SYNPR: variants seen among roughly 807,000 people sequenced by gnomAD.
SYNPR encodes synaptoporin.
Under a neutral mutation model 32.9 loss-of-function variants are expected in SYNPR, and 23 were observed. That is an observed-to-expected ratio of 0.70 (90% CI 0.50 to 0.99). The LOEUF (loss-of-function observed/expected upper bound fraction) is 0.99, where lower values mean the gene tolerates loss of function less well. SYNPR is among the 50% of genes least tolerant of loss of function. SYNPR has a pLI of 0.00. For missense variants in SYNPR, 318 were observed against 349.3 expected (o/e 0.91, Z 0.71); for synonymous variants, 146 against 135.9 (o/e 1.07, Z -0.52).
intron 4 of SYNPR, chr3:63,561,510 A>C (rs1192588536): frequency 6.6e-6 from 1 of 152,170 alleles, no homozygotes. Context: ...AGGTGGAGAT[A>C]GGTAAGACAA....
At chr3:63,341,889 T>C (rs923546509) in intron 2 of SYNPR, among the ~76,000 whole-genome samples, 1 of 152,190 alleles carries the variant, frequency 6.6e-6, no homozygotes, top group Admixed American at 6.5e-5. Flanking sequence ...TATTTTGTTT[T>C]GTCATGGATT....
At chr3:63,386,619 C>CCTTCCTTCCTTCCTTT (rs1364340497) in intron 2 of SYNPR, among the ~76,000 whole-genome samples, 8 of 151,948 alleles carry the variant, frequency 5.3e-5, no homozygotes, top group Non-Finnish European at 1.2e-4. Flanking sequence ...TTCCTTCCTT[C>CCTTCCTTCCTTCCTTT]CTTCCTTCCT....
At chr3:63,572,023 A>G (rs951190125) in intron 4 of SYNPR, among the ~76,000 whole-genome samples, 1 of 152,332 alleles carries the variant, frequency 6.6e-6, no homozygotes, top group Admixed American at 6.5e-5. Context: ...AATGAACTCC[A>G]AGCTCCAATG....
At chr3:63,336,652 A>C (rs1255310224) in intron 2 of SYNPR, among the ~76,000 whole-genome samples, 1 of 151,752 alleles carries the variant, frequency 6.6e-6, no homozygotes, top group Non-Finnish European at 1.5e-5. Flanking sequence ...AAAACTTCTC[A>C]AAGACAACAT....
intron 2 of SYNPR, among the ~76,000 whole-genome samples, chr3:63,372,058 G>A (rs1390133601): frequency 6.6e-6 from 1 of 152,076 alleles, no homozygotes; most frequent in African/African-American, 2.4e-5. Context: ...GCATGGCTGA[G>A]TATATCCACA....
chr3:63,414,952 G>A (rs2088520478), intron 2 of SYNPR, among the ~76,000 whole-genome samples: 1 of 152,166 alleles, frequency 6.6e-6, no homozygotes, highest in South Asian at 2.1e-4. Flanking sequence ...ACTCAGGAAT[G>A]TGCTACTGCA....
At chr3:63,441,237 A>T (rs1010593668) in intron 2 of SYNPR, among the ~76,000 whole-genome samples, 11 of 152,250 alleles carry the variant, frequency 7.2e-5, no homozygotes, top group African/African-American at 2.7e-4. Flanking sequence ...AAACACCCAC[A>T]TAGAATAGTA....
intron 3 of SYNPR, among the ~76,000 whole-genome samples, chr3:63,538,380 AG>A (rs1156917937): frequency 6.6e-6 from 1 of 152,048 alleles, no homozygotes; most frequent in Non-Finnish European, 1.5e-5. Context: ...GCTGGGATAT[AG>A]TGAACATTAC....
At chr3:63,337,246 A>AAC (rs1298446670) in intron 2 of SYNPR, among the ~76,000 whole-genome samples, 1 of 151,248 alleles carries the variant, frequency 6.6e-6, no homozygotes, top group African/African-American at 2.4e-5. Flanking sequence ...AAAAAAAAAA[A>AAC]AAAAAAAAAA....
intron 2 of SYNPR, among the ~76,000 whole-genome samples, chr3:63,386,842 C>T (rs1321423002): frequency 1.3e-5 from 2 of 152,230 alleles, no homozygotes; most frequent in Admixed American, 6.5e-5. Flanking sequence ...AGAAAGCACG[C>T]TGCCTCCCTC....
chr3:63,339,416 T>A (rs575100248), intron 2 of SYNPR, among the ~76,000 whole-genome samples: 1 of 152,330 alleles, frequency 6.6e-6, no homozygotes, highest in South Asian at 2.1e-4. Flanking sequence ...TACATTAAGA[T>A]CCCATGTGCC....
At chr3:63,575,410 T>A (rs1702959336) in intron 4 of SYNPR, among the ~76,000 whole-genome samples, 2 of 152,086 alleles carry the variant, frequency 1.3e-5, no homozygotes, top group Admixed American at 6.5e-5. Context: ...TGTGGCACAC[T>A]CTCAGCTCCT....
intron 2 of SYNPR, among the ~76,000 whole-genome samples, chr3:63,442,848 T>C (rs1454054024): frequency 1.3e-5 from 2 of 152,188 alleles, no homozygotes; most frequent in Non-Finnish European, 2.9e-5. Context: ...TGCATTTACA[T>C]TAAAATGAGG....
intron 3 of SYNPR, among the ~76,000 whole-genome samples, chr3:63,528,233 TA>T (rs1488462144): frequency 6.6e-6 from 1 of 152,206 alleles, no homozygotes; most frequent in Non-Finnish European, 1.5e-5. Context: ...TGTTAATGAC[TA>T]TTATGCAACC....
At chr3:63,338,735 T>C (rs960697459) in intron 2 of SYNPR, among the ~76,000 whole-genome samples, 1 of 152,220 alleles carries the variant, frequency 6.6e-6, no homozygotes, top group Non-Finnish European at 1.5e-5. Flanking sequence ...TCTGAACACA[T>C]ACTCTAGAGA....
At position 63,476,147 on chromosome 3, in the gene SYNPR, A is replaced by G. The variant is rs6766640; in HGVS notation, c.85-4685A>G. The stretch of plus-strand genomic sequence containing the variant: ...GAAGGAAGGAAGGAAGGAAGGAAGG[A>G]AGGGAGGGAGGGAGGGAGGGAGGGA... On this transcript the variant is annotated intron_variant, in intron 2 of 5. Transcript: ENST00000478300. Among the ~76,000 whole-genome samples the G allele has an allele frequency of 6.8e-3, 137 of 20,268 alleles. 1 individual carries two copies. Among genetic ancestry groups the G allele is most frequent in the African/African-American group, 0.032 (70 of 2,214 alleles). 13.3% of individuals were successfully genotyped at this position (20,268 alleles called of 152,430 possible).
chr3:63,360,538 A>G (rs1164664761), intron 2 of SYNPR, among the ~76,000 whole-genome samples: 1 of 152,210 alleles, frequency 6.6e-6, no homozygotes, highest in Non-Finnish European at 1.5e-5. Flanking sequence ...CAGTGTCTTG[A>G]TCTTGGCCTA....
intron 3 of SYNPR, among the ~76,000 whole-genome samples, chr3:63,533,951 C>G (rs570368584): frequency 5.3e-5 from 8 of 152,172 alleles, no homozygotes; most frequent in South Asian, 2.1e-4. Flanking sequence ...TTGCTACTGT[C>G]GATGACAGTA....
intron 2 of SYNPR, among the ~76,000 whole-genome samples, chr3:63,322,593 T>C (rs1325733404): frequency 6.6e-6 from 1 of 152,116 alleles, no homozygotes; most frequent in Non-Finnish European, 1.5e-5. Context: ...TGTAAAGGTC[T>C]CAGGTCTTTA....
Sources: allele counts gnomAD v4.1 joint callset (sites outside exome capture counted in the v4.1 genomes callset), GRCh38; gene constraint gnomAD v4.1.1; transcripts MANE v1.5; gene names NCBI Gene and HGNC (gene_info 2026-07-23, HGNC 2026-07-21).